The following UACA variants were observed in gnomAD, a reference collection of about 807,000 sequenced individuals.
The protein encoded by UACA is uveal autoantigen with coiled-coil domains and ankyrin repeats.
UACA carries 112 observed loss-of-function variants against 160.5 expected under a neutral mutation model. The observed-to-expected ratio is 0.70, with a 90% CI of 0.60 to 0.82. UACA has a LOEUF of 0.82. UACA is among the 40% of genes least tolerant of loss of function. The probability of loss-of-function intolerance (pLI) is 0.00; values close to 1 mark genes in which losing one functional copy is unlikely to be tolerated. For synonymous variants in UACA, 557 were observed against 568.4 expected, an observed-to-expected ratio of 0.98 and a Z score of 0.29; for missense variants, 1,574 against 1,614.6, an observed-to-expected ratio of 0.97 and a Z score of 0.43.
intron 1 of UACA, among the ~76,000 whole-genome samples, chr15:70,750,961 G>A (rs1008292310): frequency 5.3e-5 from 8 of 152,160 alleles, no homozygotes; most frequent in African/African-American, 1.9e-4. Context: ...TAGAGATGGT[G>A]GTTATACAAC....
chr15:70,718,756 G>A (rs891664866), intron 1 of UACA, among the ~76,000 whole-genome samples: 1 of 152,062 alleles, frequency 6.6e-6, no homozygotes, highest in Admixed American at 6.6e-5. Context: ...AAAGTGGGGT[G>A]CTACCTTAAC....
At chr15:70,708,592 C>T (rs1321993137) in intron 1 of UACA, among the ~76,000 whole-genome samples, 2 of 151,858 alleles carry the variant, frequency 1.3e-5, no homozygotes, top group African/African-American at 2.4e-5. Flanking sequence ...TTCAGCCTCC[C>T]GAGTAGCTGG....
chr15:70,705,304 G>A (rs942704983), intron 1 of UACA, among the ~76,000 whole-genome samples: 2 of 152,164 alleles, frequency 1.3e-5, no homozygotes, highest in Non-Finnish European at 2.9e-5. Context: ...CAAAGCAGGC[G>A]GATCACCTGA....
At chr15:70,743,347 T>C (rs760325493) in intron 1 of UACA, among the ~76,000 whole-genome samples, 2 of 152,248 alleles carry the variant, frequency 1.3e-5, no homozygotes, top group East Asian at 3.8e-4. Context: ...AAATGTCATT[T>C]GCTACGTAAC....
chr15:70,678,067 A>C, intron 11 of UACA, 32 bp downstream of exon 11: 1 of 1,451,550 alleles, frequency 6.9e-7, no homozygotes, highest in South Asian at 1.3e-5. Context: ...ATAGTAAGAC[A>C]GTTTATTTTT....
chr15:70,682,720 A>G (rs1426591532), intron 9 of UACA, 38 bp downstream of exon 9: 1 of 1,350,418 alleles, frequency 7.4e-7, no homozygotes, highest in Non-Finnish European at 1.0e-6. Flanking sequence ...TAAACTATAC[A>G]ATACATATAA....
At chr15:70,736,612 T>C (rs1322606123) in intron 1 of UACA, among the ~76,000 whole-genome samples, 1 of 152,060 alleles carries the variant, frequency 6.6e-6, no homozygotes, top group Non-Finnish European at 1.5e-5. Context: ...TTTTTATATA[T>C]ATATTTTTAG....
At chr15:70,742,498 A>T (rs998145462) in intron 1 of UACA, among the ~76,000 whole-genome samples, 1 of 152,238 alleles carries the variant, frequency 6.6e-6, no homozygotes, top group Admixed American at 6.5e-5. Context: ...TCTTTTAGGT[A>T]TATGAATTTG....
intron 1 of UACA, among the ~76,000 whole-genome samples, chr15:70,742,222 C>T (rs1899560036): frequency 6.6e-6 from 1 of 152,178 alleles, no homozygotes; most frequent in Non-Finnish European, 1.5e-5. Flanking sequence ...CAAATCCTTT[C>T]ACATCTTCAT....
chr15:70,763,760 G>A (rs1317701239), upstream of UACA, among the ~76,000 whole-genome samples: 2 of 152,270 alleles, frequency 1.3e-5, no homozygotes, highest in Admixed American at 6.5e-5. Context: ...CCAGAGGCGT[G>A]GAGATGCGCG....
In UACA at chr15:70,758,138, T is replaced by C. The variant is rs566216273; in HGVS notation, c.78+5192A>G. The stretch of plus-strand genomic sequence containing the variant: ...AAAATCCTTTACTCATCACCTAAAG[T>C]TCCTGGACTCATTATGCACCAAAAG... On this transcript the variant is annotated intron_variant, in intron 1 of 18. Coordinates refer to ENST00000322954, the MANE Select transcript of UACA (RefSeq NM_018003.4). 1.4e-3 allele frequency: 208 copies of C among 152,312 alleles called. 5 individuals are homozygous for C. The highest frequency in any genetic ancestry group is 0.013 in the Admixed American group (205 of 15,298). 9.4% of individuals were successfully genotyped at this position (152,312 alleles called of 1,614,324 possible). A position where few individuals can be genotyped will look rare whatever the true frequency, so the allele number is the denominator to read the frequency against.
intron 1 of UACA, among the ~76,000 whole-genome samples, chr15:70,717,151 G>A (rs542402993): frequency 2.0e-5 from 3 of 150,796 alleles, no homozygotes. Context: ...AACCCAGGAG[G>A]CGGAGGTTGC....
intron 1 of UACA, among the ~76,000 whole-genome samples, chr15:70,745,508 A>C (rs1227410879): frequency 1.3e-5 from 2 of 152,112 alleles, no homozygotes; most frequent in Non-Finnish European, 2.9e-5. Flanking sequence ...CACAGGAAGA[A>C]TCAATATCAT....
chr15:70,678,137 A>G lies in UACA; in HGVS notation c.961T>C (p.Leu321=), dbSNP rs979060947. Residue 321 remains leucine, a synonymous_variant, in exon 11 of 19, where the codon TTG becomes CTG. Coordinates refer to ENST00000322954, the MANE Select transcript of UACA (RefSeq NM_018003.4). Reference sequence around the variant, plus strand: ...AACTGTAAACCATTGACTTTATCCAAAAGTATTCTTTGTTCTTGCTGAATT... The same window carrying G: ...AACTGTAAACCATTGACTTTATCCAGAAGTATTCTTTGTTCTTGCTGAATT... ...RKIQQEQRIL[L]DKVNGLQLQL... is the part of the protein sequence containing the mutation. 5.6e-6 allele frequency: 9 copies of G among 1,609,424 alleles called. No homozygotes were observed. The highest frequency in any genetic ancestry group is 1.7e-6 in the Non-Finnish European group (2 of 1,178,966).
At chr15:70,736,292 C>T (rs1220634259) in intron 1 of UACA, among the ~76,000 whole-genome samples, 1 of 152,118 alleles carries the variant, frequency 6.6e-6, no homozygotes, top group Non-Finnish European at 1.5e-5. Flanking sequence ...AAGTAGTTTC[C>T]ATACTTCTTA....
Position 70,694,316 on chromosome 15 carries a change from T to C in UACA, c.301+701A>G, listed in dbSNP as rs60740518. ...AACTTCTTTGATGTACAAACCTTTG[T>C]TGTAAGATTTTAAAGGACAGACAAA... On this transcript the variant is annotated intron_variant, in intron 3 of 18. Transcript: ENST00000322954. Among the ~76,000 whole-genome samples the C allele has an allele frequency of 5.7e-3, 865 of 150,944 alleles. 8 individuals are homozygous for C. The highest frequency in any genetic ancestry group is 0.02 in the African/African-American group (826 of 41,162).
At chr15:70,741,341 C>T (rs1033022329) in intron 1 of UACA, among the ~76,000 whole-genome samples, 10 of 152,218 alleles carry the variant, frequency 6.6e-5, no homozygotes, top group African/African-American at 2.4e-4. Flanking sequence ...ACCACAAGGC[C>T]TATCTACATG....
intron 1 of UACA, chr15:70,701,920 A>G (rs1265046314): frequency 6.2e-7 from 1 of 1,613,334 alleles, no homozygotes; most frequent in Non-Finnish European, 8.5e-7. Context: ...CATCATAGAC[A>G]GGATTTAGTT....
chr15:70,705,017 C>A (rs892061940), intron 1 of UACA, among the ~76,000 whole-genome samples: 3 of 152,272 alleles, frequency 2.0e-5, no homozygotes, highest in African/African-American at 7.2e-5. Context: ...GAACACTCAG[C>A]AGTGTATGAG....
Sources: allele counts gnomAD v4.1 joint callset (sites outside exome capture counted in the v4.1 genomes callset), GRCh38; gene constraint gnomAD v4.1.1; transcripts MANE v1.5; gene names NCBI Gene and HGNC (gene_info 2026-07-23, HGNC 2026-07-21).